Variants in CYP2J2 observed in about 807,000 individuals in gnomAD.
CYP2J2 encodes the protein cytochrome P450 2J2.
CYP2J2 carries 41 observed loss-of-function variants against 48.8 expected under a neutral mutation model. The ratio of observed to expected loss-of-function variants is 0.84; its 90% confidence interval spans 0.66 to 1.09. The LOEUF is 1.09. Ranked by LOEUF, CYP2J2 falls within the 50% of genes least tolerant of loss-of-function variation. CYP2J2 has a pLI of 0.00. For synonymous variants in CYP2J2, 221 were observed against 227.1 expected (o/e 0.97, Z 0.24); for missense variants, 644 against 617.3 (o/e 1.04, Z -0.46).
chr1:59,960,631 T>C, the CYP2J2 span, among the ~76,000 whole-genome samples: 3 of 152,196 alleles, frequency 2.0e-5, no homozygotes, highest in African/African-American at 4.8e-5. Flanking sequence ...TCACTTGAGG[T>C]CAGGAGTTAG....
At chr1:59,961,514 A>G in the CYP2J2 span, among the ~76,000 whole-genome samples, 1 of 152,320 alleles carries the variant, frequency 6.6e-6, no homozygotes, top group East Asian at 1.9e-4. Flanking sequence ...ATCTTCATAC[A>G]TTGCTGGTAG....
chr1:59,941,390 T>C, the CYP2J2 span, among the ~76,000 whole-genome samples: 1 of 152,250 alleles, frequency 6.6e-6, no homozygotes, highest in Non-Finnish European at 1.5e-5. Flanking sequence ...AATGGACCTA[T>C]TGTGCTGTCA....
At chr1:59,925,383 TC>T (rs1224897930) in intron 1 of CYP2J2, among the ~76,000 whole-genome samples, 3 of 152,196 alleles carry the variant, frequency 2.0e-5, no homozygotes, top group African/African-American at 7.2e-5. Flanking sequence ...ACATATTTTT[TC>T]CAGCCTCCAT....
At chr1:59,963,780 A>C in the CYP2J2 span, among the ~76,000 whole-genome samples, 4 of 152,308 alleles carry the variant, frequency 2.6e-5, no homozygotes, top group East Asian at 7.7e-4. Context: ...AGGTCCTGGA[A>C]AAACAACTCT....
chr1:59,937,388 C>A, the CYP2J2 span, among the ~76,000 whole-genome samples: 1 of 151,716 alleles, frequency 6.6e-6, no homozygotes. Context: ...TAGCTAGCAG[C>A]CATGTGTCTA....
chr1:59,942,528 G>T, the CYP2J2 span, among the ~76,000 whole-genome samples: 1 of 152,120 alleles, frequency 6.6e-6, no homozygotes, highest in South Asian at 2.1e-4. Flanking sequence ...GCCAGGGTCA[G>T]TTTGGTTTAT....
At chr1:59,955,351 C>G in the CYP2J2 span, among the ~76,000 whole-genome samples, 3 of 146,430 alleles carry the variant, frequency 2.0e-5, no homozygotes, top group Non-Finnish European at 4.5e-5. Flanking sequence ...TTCTTGCTTA[C>G]GAGAGAATGC....
chr1:59,939,488 A>G, the CYP2J2 span, among the ~76,000 whole-genome samples: 11,162 of 152,218 alleles, frequency 0.073, 429 homozygotes, highest in Middle Eastern at 0.1. Flanking sequence ...TGGAGTGACA[A>G]AAACACCCCT....
At chr1:59,965,797 A>AC in the CYP2J2 span, among the ~76,000 whole-genome samples, 1 of 151,576 alleles carries the variant, frequency 6.6e-6, no homozygotes, top group Admixed American at 6.6e-5. Flanking sequence ...GATTACAGGC[A>AC]CCCCCCACCG....
At chr1:59,929,845 T>C (rs1016973755), upstream of CYP2J2, among the ~76,000 whole-genome samples, 4 of 152,210 alleles carry the variant, frequency 2.6e-5, no homozygotes, top group African/African-American at 9.6e-5. Flanking sequence ...AGAAACATAT[T>C]TGAAGAAATA....
intron 1 of CYP2J2, among the ~76,000 whole-genome samples, chr1:59,923,171 C>T (rs147585643): frequency 2.0e-5 from 3 of 152,352 alleles, no homozygotes; most frequent in African/African-American, 7.2e-5. Flanking sequence ...GTCTTCTGTT[C>T]CATCTTCCTT....
Position 59,911,762 on chromosome 1 carries a change from G to A in CYP2J2, c.530C>T (p.Pro177Leu). The A allele has an allele frequency of 6.2e-7, 1 of 1,612,614 alleles. No homozygotes were observed. Among genetic ancestry groups the A allele is most frequent in the African/African-American group, 1.3e-5 (1 of 74,980 alleles). ...TEAIKEENGQ[P>L]FDPHFKINNA... ...GTTGATCTTGAAATGAGGGTCAAAAGGCTGTCCTGAAGGTGGAGGAAGGGC... is the reference window on the plus strand; with the variant it reads ...GTTGATCTTGAAATGAGGGTCAAAAAGCTGTCCTGAAGGTGGAGGAAGGGC... Residue 177 changes from proline (P) to leucine (L), a missense_variant, in exon 4 of 9, where the codon CCT becomes CTT. Transcript: ENST00000371204.
chr1:59,911,755 G>T lies in CYP2J2; in HGVS notation c.537C>A (p.Asp179Glu), dbSNP rs1315415783. The change falls in exon 4 of 9, where the codon GAC becomes GAA. Residue 179 changes from aspartate to glutamate, a missense_variant. By Grantham distance (45) the Asp-to-Glu change is conservative (BLOSUM62 2). Coordinates refer to ENST00000371204, the MANE Select transcript of CYP2J2 (RefSeq NM_000775.4). ...CTGCATTGTTGATCTTGAAATGAGG[G>T]TCAAAAGGCTGTCCTGAAGGTGGAG... ...AIKEENGQPF[D>E]PHFKINNAVS... 5 of 1,612,842 alleles carry T rather than the reference G, an allele frequency of 3.1e-6. No homozygotes were observed. Among genetic ancestry groups the T allele is most frequent in the Non-Finnish European group, 4.2e-6 (5 of 1,179,444 alleles).
the CYP2J2 span, among the ~76,000 whole-genome samples, chr1:59,954,992 G>A: frequency 6.6e-6 from 1 of 151,822 alleles, no homozygotes; most frequent in South Asian, 2.1e-4. Flanking sequence ...ACAAAAATTA[G>A]TTGGGTGTGG....
At chr1:59,962,783 C>G in the CYP2J2 span, among the ~76,000 whole-genome samples, 2 of 152,172 alleles carry the variant, frequency 1.3e-5, no homozygotes, top group Non-Finnish European at 2.9e-5. Flanking sequence ...CACCAGAACA[C>G]TACGTTGACA....
intron 7 of CYP2J2, among the ~76,000 whole-genome samples, chr1:59,902,774 T>C (rs1312250599): frequency 6.6e-6 from 1 of 152,196 alleles, no homozygotes; most frequent in African/African-American, 2.4e-5. Flanking sequence ...CCTACATGCA[T>C]GATCTCATTT....
upstream of CYP2J2, among the ~76,000 whole-genome samples, chr1:59,929,185 T>C (rs866999666): frequency 2.0e-5 from 3 of 152,186 alleles, no homozygotes; most frequent in Non-Finnish European, 4.4e-5. Context: ...CTCAGGTAAG[T>C]GATGTCAGAG....
chr1:59,939,000 T>G, the CYP2J2 span, among the ~76,000 whole-genome samples: 1 of 152,210 alleles, frequency 6.6e-6, no homozygotes, highest in Non-Finnish European at 1.5e-5. Context: ...ACAATGCATG[T>G]TTTTGCGAGT....
intron 7 of CYP2J2, 51 bp downstream of exon 7, chr1:59,904,820 G>T: frequency 6.7e-7 from 1 of 1,490,228 alleles, no homozygotes; most frequent in Non-Finnish European, 9.3e-7. Flanking sequence ...CACTTCTCAA[G>T]TTCAAGTTTC....
Sources: allele counts gnomAD v4.1 joint callset (sites outside exome capture counted in the v4.1 genomes callset), GRCh38; gene constraint gnomAD v4.1.1; transcripts MANE v1.5; gene names NCBI Gene and HGNC (gene_info 2026-07-23, HGNC 2026-07-21).